NDUFAF2: variants seen among roughly 807,000 people sequenced by gnomAD.
NDUFAF2 encodes the protein NADH dehydrogenase [ubiquinone] 1 alpha subcomplex assembly factor 2.
NDUFAF2 carries 13 observed loss-of-function variants against 22.8 expected under a neutral mutation model. That is an observed-to-expected ratio of 0.57 (90% CI 0.37 to 0.91). The LOEUF is 0.91. NDUFAF2 is among the 40% of genes least tolerant of loss of function. The pLI is 0.01. For missense variants in NDUFAF2, 162 were observed against 195.2 expected (o/e 0.83, Z 1.01); for synonymous variants, 53 against 64.2 (o/e 0.83, Z 0.84).
At chr5:61,108,213 C>G (rs1389770841) in intron 3 of NDUFAF2, among the ~76,000 whole-genome samples, 7 of 148,636 alleles carry the variant, frequency 4.7e-5, no homozygotes, top group Non-Finnish European at 1.0e-4. Context: ...TGGGTATATA[C>G]CCAGTAATGG....
intron 3 of NDUFAF2, among the ~76,000 whole-genome samples, chr5:61,124,195 CATA>C (rs35066407): frequency 0.094 from 14,235 of 152,036 alleles, 859 homozygotes; most frequent in South Asian, 0.18. Context: ...AGAGGCCCAT[CATA>C]ATAACTACCT....
chr5:61,103,165 A>T (rs295564), intron 3 of NDUFAF2, among the ~76,000 whole-genome samples: 1 of 151,854 alleles, frequency 6.6e-6, no homozygotes, highest in East Asian at 1.9e-4. Flanking sequence ...TAGGTCTAAC[A>T]CCTTGGCATA....
chr5:61,011,068 C>G (rs894388896), intron 1 of NDUFAF2, among the ~76,000 whole-genome samples: 1 of 152,156 alleles, frequency 6.6e-6, no homozygotes, highest in South Asian at 2.1e-4. Flanking sequence ...GCCCTGGAGT[C>G]TTGTCCTCCA....
chr5:60,981,145 A>G (rs984945925), intron 1 of NDUFAF2, among the ~76,000 whole-genome samples: 4 of 152,190 alleles, frequency 2.6e-5, no homozygotes, highest in African/African-American at 9.6e-5. Flanking sequence ...TTAATAATCA[A>G]ACTCCCAAAG....
chr5:61,092,961 C>T (rs1752587094), intron 2 of NDUFAF2, among the ~76,000 whole-genome samples: 1 of 152,146 alleles, frequency 6.6e-6, no homozygotes, highest in Non-Finnish European at 1.5e-5. Context: ...AGTCCCAAAA[C>T]CTCAAAAGTA....
At chr5:60,979,421 G>A (rs1422000012) in intron 1 of NDUFAF2, among the ~76,000 whole-genome samples, 1 of 152,020 alleles carries the variant, frequency 6.6e-6, no homozygotes, top group African/African-American at 2.4e-5. Context: ...GGGCCAGAGG[G>A]AAGCCCAGCA....
chr5:61,074,812 G>T (rs1752347781), intron 2 of NDUFAF2, among the ~76,000 whole-genome samples: 1 of 152,052 alleles, frequency 6.6e-6, no homozygotes, highest in Admixed American at 6.6e-5. Flanking sequence ...ATTTATAAAG[G>T]AAAAAGGTTT....
At chr5:60,948,788 T>C (rs944659197) in intron 1 of NDUFAF2, among the ~76,000 whole-genome samples, 8 of 152,174 alleles carry the variant, frequency 5.3e-5, no homozygotes, top group Non-Finnish European at 8.8e-5. Context: ...TATGGACTTA[T>C]GTTTTTATTT....
intron 1 of NDUFAF2, among the ~76,000 whole-genome samples, chr5:61,035,424 GTTT>G (rs768889484): frequency 2.7e-4 from 11 of 40,516 alleles, no homozygotes; most frequent in African/African-American, 8.0e-4. Flanking sequence ...CTCTTGCTCT[GTTT>G]TTTTTTTTTT....
intron 1 of NDUFAF2, among the ~76,000 whole-genome samples, chr5:61,035,661 A>G (rs1751791587): frequency 6.6e-6 from 1 of 151,916 alleles, no homozygotes; most frequent in African/African-American, 2.4e-5. Flanking sequence ...CAGGGGTCTC[A>G]ATTTAGAGGT....
intron 1 of NDUFAF2, among the ~76,000 whole-genome samples, chr5:61,019,206 T>C (rs560672620): frequency 6.6e-6 from 1 of 152,256 alleles, no homozygotes; most frequent in East Asian, 1.9e-4. Flanking sequence ...AATTGAAGGA[T>C]TGTAATTTTT....
chr5:61,013,128 G>T (rs953925714), intron 1 of NDUFAF2, among the ~76,000 whole-genome samples: 2 of 152,034 alleles, frequency 1.3e-5, no homozygotes, highest in Non-Finnish European at 2.9e-5. Context: ...AAAAATGATT[G>T]TTAGTGTTGC....
intron 1 of NDUFAF2, among the ~76,000 whole-genome samples, chr5:61,065,653 G>A (rs1014660877): frequency 6.6e-6 from 1 of 152,062 alleles, no homozygotes; most frequent in African/African-American, 2.4e-5. Flanking sequence ...ATTCTTTCTT[G>A]TTAAAAATTC....
At chr5:61,090,693 CTTTTA>C (rs1194966189) in intron 2 of NDUFAF2, among the ~76,000 whole-genome samples, 10 of 151,824 alleles carry the variant, frequency 6.6e-5, no homozygotes, top group African/African-American at 9.7e-5. Flanking sequence ...TTTAAAAAAA[CTTTTA>C]TTTTAAGTTC....
intron 3 of NDUFAF2, among the ~76,000 whole-genome samples, chr5:61,148,714 G>C (rs1368688186): frequency 6.6e-6 from 1 of 152,154 alleles, no homozygotes; most frequent in South Asian, 2.1e-4. Context: ...TGGCTTCAGA[G>C]CCCAAATTCT....
intron 2 of NDUFAF2, among the ~76,000 whole-genome samples, chr5:61,090,450 C>T (rs1752552752): frequency 6.6e-6 from 1 of 151,878 alleles, no homozygotes; most frequent in African/African-American, 2.4e-5. Context: ...GATGTTTTTG[C>T]AACCATTAAA....
chr5:60,976,852 A>G (rs984307729), intron 1 of NDUFAF2, among the ~76,000 whole-genome samples: 8 of 152,160 alleles, frequency 5.3e-5, no homozygotes, highest in Non-Finnish European at 8.8e-5. Context: ...GGCAGATGGT[A>G]TAATAGAAGG....
At chr5:61,096,339 G>T (rs757951143) in intron 2 of NDUFAF2, among the ~76,000 whole-genome samples, 1 of 152,122 alleles carries the variant, frequency 6.6e-6, no homozygotes, top group Non-Finnish European at 1.5e-5. Flanking sequence ...GGTGGCTCAC[G>T]CCTGTAATCC....
At chr5:60,964,980 G>T (rs554816910) in intron 1 of NDUFAF2, among the ~76,000 whole-genome samples, 44 of 152,220 alleles carry the variant, frequency 2.9e-4, no homozygotes, top group African/African-American at 1.0e-3. Flanking sequence ...CGTTCCTCAT[G>T]TTATGGTTGT....
Sources: allele counts gnomAD v4.1 joint callset (sites outside exome capture counted in the v4.1 genomes callset), GRCh38; gene constraint gnomAD v4.1.1; transcripts MANE v1.5; gene names NCBI Gene and HGNC (gene_info 2026-07-23, HGNC 2026-07-21).